The following TMPRSS4 variants were observed in gnomAD, a reference collection of about 807,000 sequenced individuals.
TMPRSS4 encodes the protein transmembrane protease serine 4.
In TMPRSS4, 45 loss-of-function variants were observed where a neutral mutation model predicts 56.4. The observed-to-expected ratio is 0.80, with a 90% CI of 0.63 to 1.02. TMPRSS4 has a LOEUF of 1.02. TMPRSS4 is among the 50% of genes least tolerant of loss of function. The pLI, the probability that TMPRSS4 is intolerant of heterozygous loss-of-function variation, is 0.00. For missense variants in TMPRSS4, 546 were observed against 556.7 expected (o/e 0.98, Z 0.19); for synonymous variants, 205 against 211.0 (o/e 0.97, Z 0.25).
rs981409706 is a variant in TMPRSS4 at position 118,117,416 on chromosome 11, G to T, written c.1264G>T (p.Val422Phe). The change falls in exon 12 of 13, where the codon GTC becomes TTC. Residue 422 changes from valine (V) to phenylalanine (F), a missense_variant. By Grantham distance (50) the Val-to-Phe change is conservative (BLOSUM62 -1). Coordinates refer to ENST00000437212, the MANE Select transcript of TMPRSS4 (RefSeq NM_019894.4). ...GPSTPGVYTKVSAYLNWIYNV... is the reference protein window; with the variant it reads ...GPSTPGVYTKFSAYLNWIYNV... Reference sequence around the variant, plus strand: ...GAGCACCCCAGGAGTATACACCAAGGTCTCAGCCTATCTCAACTGGATCTA... The same window carrying T: ...GAGCACCCCAGGAGTATACACCAAGTTCTCAGCCTATCTCAACTGGATCTA... The T allele has an allele frequency of 1.2e-6, 2 of 1,614,080 alleles. No individual in the cohort carries two copies. The highest frequency in any genetic ancestry group is 1.7e-6 in the Non-Finnish European group (2 of 1,179,984).
At chr11:118,114,735 G>A in intron 9 of TMPRSS4, 94 bp from the exon 10 acceptor site, 1 of 1,335,846 alleles carries the variant, frequency 7.5e-7, no homozygotes, top group Non-Finnish European at 1.0e-6. Context: ...TCCCAGACCA[G>A]CAAGATCCCC....
At chr11:118,092,199 G>T (rs1277062288) in intron 1 of TMPRSS4, among the ~76,000 whole-genome samples, 2 of 152,328 alleles carry the variant, frequency 1.3e-5, no homozygotes, top group Non-Finnish European at 2.9e-5. Flanking sequence ...CGCCCAAGGG[G>T]TTCACCTTGC....
intron 3 of TMPRSS4, among the ~76,000 whole-genome samples, chr11:118,102,513 G>T (rs896772686): frequency 6.6e-6 from 1 of 152,106 alleles, no homozygotes; most frequent in African/African-American, 2.4e-5. Context: ...GTCGAGAGCA[G>T]CCCAGCCAAC....
At chr11:118,123,857 A>G (rs1478208698), downstream of TMPRSS4, among the ~76,000 whole-genome samples, 1 of 152,142 alleles carries the variant, frequency 6.6e-6, no homozygotes, top group African/African-American at 2.4e-5. Context: ...CATAACAATC[A>G]AATGTAAGGC....
intron 4 of TMPRSS4, 41 bp from the exon 5 acceptor site, chr11:118,104,650 G>A: frequency 1.9e-6 from 3 of 1,613,582 alleles, no homozygotes; most frequent in Non-Finnish European, 2.5e-6. Context: ...TGGGCCAGTT[G>A]GGCCCCCCGT....
chr11:118,077,905 T>G (rs1471058012), intron 1 of TMPRSS4, among the ~76,000 whole-genome samples: 2 of 148,914 alleles, frequency 1.3e-5, no homozygotes, highest in Non-Finnish European at 3.0e-5. Flanking sequence ...CCCAGCTACT[T>G]GGGAGGCTGA....
At chr11:118,103,825 C>T (rs555838578) in intron 4 of TMPRSS4, among the ~76,000 whole-genome samples, 2 of 152,224 alleles carry the variant, frequency 1.3e-5, no homozygotes, top group African/African-American at 2.4e-5. Flanking sequence ...ATGCGTGCTG[C>T]GCCTGGTGGA....
At chr11:118,080,311 G>A (rs949553348) in intron 1 of TMPRSS4, among the ~76,000 whole-genome samples, 1 of 152,198 alleles carries the variant, frequency 6.6e-6, no homozygotes, top group Non-Finnish European at 1.5e-5. Flanking sequence ...TCCAGACACA[G>A]GGGACTGCAT....
chr11:118,097,420 G>A (rs1300490116), intron 2 of TMPRSS4, among the ~76,000 whole-genome samples: 1 of 152,176 alleles, frequency 6.6e-6, no homozygotes, highest in African/African-American at 2.4e-5. Context: ...AAGACTGGGA[G>A]GAGGACAGGG....
At chr11:118,079,146 G>T (rs626252) in intron 1 of TMPRSS4, among the ~76,000 whole-genome samples, 1 of 152,090 alleles carries the variant, frequency 6.6e-6, no homozygotes, top group East Asian at 1.9e-4. Context: ...TCTCCACGGT[G>T]TGGTCAAGGA....
At chr11:118,094,069 G>T (rs932941439) in intron 1 of TMPRSS4, among the ~76,000 whole-genome samples, 2 of 152,154 alleles carry the variant, frequency 1.3e-5, no homozygotes, top group Non-Finnish European at 2.9e-5. Flanking sequence ...CCAATGTTTA[G>T]CTATTACTAA....
intron 8 of TMPRSS4, among the ~76,000 whole-genome samples, chr11:118,112,249 G>A (rs1474448742): frequency 6.6e-6 from 1 of 151,944 alleles, no homozygotes; most frequent in Admixed American, 6.6e-5. Context: ...AGTTGTTCCA[G>A]GGTCTAGAGT....
At chr11:118,113,014 G>A (rs929550647) in intron 8 of TMPRSS4, among the ~76,000 whole-genome samples, 2 of 151,992 alleles carry the variant, frequency 1.3e-5, no homozygotes, top group African/African-American at 4.8e-5. Context: ...CATTAGAGGA[G>A]CCCCTTCCCC....
chr11:118,095,806 A>G (rs960976267), intron 2 of TMPRSS4, among the ~76,000 whole-genome samples: 2 of 152,330 alleles, frequency 1.3e-5, no homozygotes, highest in Admixed American at 6.5e-5. Context: ...AGTCTCTTGT[A>G]GGCCCTCGAG....
intron 2 of TMPRSS4, 74 bp from the exon 3 acceptor site, chr11:118,098,911 G>T (rs750884767): frequency 1.7e-6 from 2 of 1,179,370 alleles, no homozygotes; most frequent in Admixed American, 3.6e-5. Flanking sequence ...AAGGCAGGAG[G>T]CTGTGGAGTT....
At chr11:118,088,955 C>A (rs1368618815) in intron 1 of TMPRSS4, among the ~76,000 whole-genome samples, 5 of 152,146 alleles carry the variant, frequency 3.3e-5, no homozygotes, top group Non-Finnish European at 7.4e-5. Flanking sequence ...GGCGGGGACC[C>A]ACCATGGTGA....
rs2067046553 is a variant in TMPRSS4 at position 118,113,261 on chromosome 11, A to G, written c.744-8A>G. On this transcript the variant is annotated splice_region_variant and splice_polypyrimidine_tract_variant and intron_variant, in intron 8 of 12. Transcript: ENST00000437212. ...ATCAGGCCTGAACCCAGCTGTCTCT[A>G]CCCCCAGGAAACATACCGATGTGTT... 13 of 1,612,750 alleles carry G rather than the reference A, an allele frequency of 8.1e-6. No homozygotes were observed. Among genetic ancestry groups the G allele is most frequent in the East Asian group, 2.2e-5 (1 of 44,828 alleles).
Position 118,094,106 on chromosome 11 carries a change from A to G in TMPRSS4, c.4-710A>G, listed in dbSNP as rs184137185. On this transcript the variant is annotated intron_variant, in intron 1 of 12. Coordinates refer to ENST00000437212, the MANE Select transcript of TMPRSS4 (RefSeq NM_019894.4). ...GAAGCGACTATAAACTTTCACACAC[A>G]GGTTTTTTGCTGGACATTTGTACTC... Among the ~76,000 whole-genome samples, 55 of 152,330 alleles carry G rather than the reference A, an allele frequency of 3.6e-4. No homozygotes were observed. In the East Asian group the frequency reaches 7.3e-3, roughly 20 times the overall value.
Position 118,118,096 on chromosome 11 carries a change from C to A in TMPRSS4, c.*183C>A. On this transcript the variant is annotated 3_prime_UTR_variant, in exon 13 of 13. Coordinates refer to ENST00000437212, the MANE Select transcript of TMPRSS4 (RefSeq NM_019894.4). ...AAGAGACCCTCGCAGCCCAGAGGCGCCCAGAGGAAGTCAGCAGCCCTAGCT... is the reference window on the plus strand; with the variant it reads ...AAGAGACCCTCGCAGCCCAGAGGCGACCAGAGGAAGTCAGCAGCCCTAGCT... The A allele has an allele frequency of 2.1e-6, 3 of 1,443,050 alleles. No individual in the cohort carries two copies. The African/African-American group carries it at 4.3e-5, about 21-fold the overall frequency. 89.4% of individuals were successfully genotyped at this position (1,443,050 alleles called of 1,614,324 possible).
Sources: gnomAD v4.1 joint callset for allele counts (sites outside exome capture counted in the v4.1 genomes callset) on GRCh38, gnomAD v4.1.1 for gene constraint, MANE v1.5 for transcripts, NCBI Gene and HGNC (gene_info 2026-07-23, HGNC 2026-07-21) for gene names.